RAD17: variants seen among roughly 807,000 people sequenced by gnomAD.
RAD17 encodes cell cycle checkpoint protein RAD17.
In RAD17, 31 loss-of-function variants were observed where a neutral mutation model predicts 81.5. The observed-to-expected ratio is 0.38, with a 90% CI of 0.29 to 0.51. The LOEUF (loss-of-function observed/expected upper bound fraction) is 0.51. RAD17 is among the 20% of genes least tolerant of loss of function. The probability of loss-of-function intolerance (pLI) is 0.88; values close to 1 mark genes in which losing one functional copy is unlikely to be tolerated. For synonymous variants in RAD17, 261 were observed against 266.2 expected, an observed-to-expected ratio of 0.98 and a Z score of 0.19; for missense variants, 681 against 781.2, an observed-to-expected ratio of 0.87 and a Z score of 1.53.
At chr5:69,402,043 T>C (rs1404884850) in intron 17 of RAD17, among the ~76,000 whole-genome samples, 3 of 150,214 alleles carry the variant, frequency 2.0e-5, no homozygotes, top group Non-Finnish European at 4.4e-5. Flanking sequence ...CACTAGTTTT[T>C]AAACTTTTTG....
intron 18 of RAD17, among the ~76,000 whole-genome samples, chr5:69,410,895 CAG>C (rs1185494537): frequency 6.8e-6 from 1 of 147,854 alleles, no homozygotes; most frequent in Non-Finnish European, 1.5e-5. Flanking sequence ...GGAACTGCCT[CAG>C]AAAGTAGAAG....
At chr5:69,380,073 G>C (rs10068576) in intron 6 of RAD17, among the ~76,000 whole-genome samples, 51,988 of 151,722 alleles carry the variant, frequency 0.34, 10,434 homozygotes, top group Non-Finnish European at 0.46. Context: ...TAGAGATGGG[G>C]TTTCTCCATG....
chr5:69,412,026 G>T (rs879741753), intron 18 of RAD17, among the ~76,000 whole-genome samples: 5 of 151,816 alleles, frequency 3.3e-5, no homozygotes, highest in Non-Finnish European at 7.4e-5. Flanking sequence ...GCACGATCTC[G>T]GCTCACTGCA....
At chr5:69,408,506 C>CTTTTTTTT (rs913594965) in intron 17 of RAD17, among the ~76,000 whole-genome samples, 7 of 88,454 alleles carry the variant, frequency 7.9e-5, no homozygotes, top group East Asian at 3.6e-4. Flanking sequence ...ACCCTAATTA[C>CTTTTTTTT]TTTTTTTTTT....
Position 69,386,382 on chromosome 5 carries a change from T to C in RAD17, c.825-14T>C, listed in dbSNP as rs1255861639. On this transcript the variant is annotated splice_polypyrimidine_tract_variant and intron_variant, in intron 10 of 18. Coordinates refer to ENST00000354868, the MANE Select transcript of RAD17 (RefSeq NM_133338.3). The stretch of plus-strand genomic sequence containing the variant: ...ATTAATCATTTAACTGCTATCTTTC[T>C]TTATAAAACTTAGTTTCAACCCTGT... 1.3e-6 allele frequency: 2 copies of C among 1,589,260 alleles called. No homozygotes were observed. The highest frequency in any genetic ancestry group is 1.7e-6 in the Non-Finnish European group (2 of 1,171,500).
At chr5:69,388,291 T>A (rs193288257) in intron 11 of RAD17, among the ~76,000 whole-genome samples, 30 of 152,348 alleles carry the variant, frequency 2.0e-4, no homozygotes, top group Admixed American at 1.6e-3. Flanking sequence ...CTCACCAGAC[T>A]GTATAATGTA....
intron 6 of RAD17, among the ~76,000 whole-genome samples, chr5:69,380,176 C>A (rs191052705): frequency 6.6e-6 from 1 of 151,906 alleles, no homozygotes; most frequent in African/African-American, 2.4e-5. Flanking sequence ...CCACTGTGCC[C>A]GGCCAACTTT....
At chr5:69,369,400 G>A, upstream of RAD17, 2 of 1,583,846 alleles carry the variant, frequency 1.3e-6, no homozygotes, top group African/African-American at 1.4e-5. Flanking sequence ...GGCGCCCGAT[G>A]CCCAGAGCAC....
intron 15 of RAD17, among the ~76,000 whole-genome samples, chr5:69,393,927 T>C (rs1300433372): frequency 6.8e-6 from 1 of 147,760 alleles, no homozygotes. Flanking sequence ...TTTTTTTTTT[T>C]TTTTGAGAAG....
intron 17 of RAD17, among the ~76,000 whole-genome samples, chr5:69,409,811 A>G (rs988412945): frequency 3.3e-5 from 5 of 152,200 alleles, no homozygotes; most frequent in African/African-American, 9.7e-5. Flanking sequence ...CTGAAATTCT[A>G]TAACTATTAG....
chr5:69,382,204 C>T (rs2150801620), intron 7 of RAD17, 147 bp downstream of exon 7: 1 of 894,494 alleles, frequency 1.1e-6, no homozygotes, highest in Middle Eastern at 2.2e-4. Context: ...ATGGCTGTCA[C>T]ATGGGAGGCT....
chr5:69,377,747 C>G (rs139929469), intron 6 of RAD17, among the ~76,000 whole-genome samples: 1 of 138,274 alleles, frequency 7.2e-6, no homozygotes, highest in African/African-American at 2.8e-5. Flanking sequence ...CAAAAGTTTT[C>G]CCCCTAAGGA....
upstream of RAD17, chr5:69,369,495 C>G (rs756551615): frequency 1.2e-6 from 2 of 1,611,584 alleles, no homozygotes; most frequent in South Asian, 1.1e-5. Context: ...CAACATGGTC[C>G]CCGCCGCGAC....
chr5:69,401,134 G>A (rs559445841), intron 17 of RAD17, among the ~76,000 whole-genome samples: 29 of 152,322 alleles, frequency 1.9e-4, no homozygotes, highest in African/African-American at 6.3e-4. Context: ...CTTCAACCCC[G>A]GAGGCGGAGG....
chr5:69,387,441 G>A (rs1281567006), intron 11 of RAD17, among the ~76,000 whole-genome samples: 3 of 152,278 alleles, frequency 2.0e-5, no homozygotes, highest in East Asian at 1.9e-4. Context: ...GATTAAATAC[G>A]TTAGTGTAGA....
intron 7 of RAD17, among the ~76,000 whole-genome samples, chr5:69,383,081 G>C (rs1234933835): frequency 1.3e-5 from 2 of 152,120 alleles, no homozygotes; most frequent in African/African-American, 4.8e-5. Flanking sequence ...ACCATGCGTG[G>C]CAATAGTACC....
At chr5:69,410,597 A>G (rs757099680) in intron 18 of RAD17, 47 bp downstream of exon 18, 22 of 1,530,650 alleles carry the variant, frequency 1.4e-5, no homozygotes, top group Non-Finnish European at 1.9e-5. Context: ...TGAAATGTCT[A>G]CTGAATATGT....
chr5:69,408,825 A>G (rs1469688354), intron 17 of RAD17, among the ~76,000 whole-genome samples: 3 of 151,988 alleles, frequency 2.0e-5, no homozygotes, highest in South Asian at 4.1e-4. Flanking sequence ...CCTAATTACT[A>G]TCTAATTGCT....
At chr5:69,396,353 C>G (rs180885693) in intron 15 of RAD17, 44 bp from the exon 16 acceptor site, 18 of 1,575,162 alleles carry the variant, frequency 1.1e-5, no homozygotes, top group South Asian at 3.5e-5. Flanking sequence ...CAGTAATGCT[C>G]TTTTATAAAT....
Sources: allele counts gnomAD v4.1 joint callset (sites outside exome capture counted in the v4.1 genomes callset), GRCh38; gene constraint gnomAD v4.1.1; transcripts MANE v1.5; gene names NCBI Gene and HGNC (gene_info 2026-07-23, HGNC 2026-07-21).